Variants in PAIP2 observed in about 807,000 individuals in gnomAD.
The protein encoded by PAIP2 is polyadenylate-binding protein-interacting protein 2.
In PAIP2, 7 loss-of-function variants were observed where a neutral mutation model predicts 14.8. The observed-to-expected ratio is 0.47, with a 90% CI of 0.27 to 0.89. The LOEUF (loss-of-function observed/expected upper bound fraction) is 0.89, where lower values mean the gene tolerates loss of function less well. Ranked by LOEUF, PAIP2 falls within the 40% of genes least tolerant of loss-of-function variation. The probability of loss-of-function intolerance (pLI) is 0.13; values close to 1 mark genes in which losing one functional copy is unlikely to be tolerated. For synonymous variants in PAIP2, 47 were observed against 45.3 expected, an observed-to-expected ratio of 1.04 and a Z score of -0.15; for missense variants, 122 against 154.7, an observed-to-expected ratio of 0.79 and a Z score of 1.12.
chr5:139,346,677 G>A (rs1756560030), intron 1 of PAIP2, among the ~76,000 whole-genome samples: 1 of 149,582 alleles, frequency 6.7e-6, no homozygotes. Context: ...GACTACAAGC[G>A]TGCACCTCCA....
intron 1 of PAIP2, among the ~76,000 whole-genome samples, chr5:139,359,116 A>G (rs1380810987): frequency 1.3e-5 from 2 of 152,144 alleles, no homozygotes; most frequent in East Asian, 3.9e-4. Flanking sequence ...CTGGGACCAC[A>G]GGCGTGCACC....
intron 1 of PAIP2, among the ~76,000 whole-genome samples, chr5:139,351,003 TA>T (rs1189243121): frequency 1.3e-5 from 2 of 152,070 alleles, no homozygotes; most frequent in Non-Finnish European, 2.9e-5. Context: ...CTTGAAACTA[TA>T]AAAATATTGA....
chr5:139,365,739 C>T (rs1008194907), intron 3 of PAIP2, among the ~76,000 whole-genome samples: 2 of 152,234 alleles, frequency 1.3e-5, no homozygotes, highest in African/African-American at 4.8e-5. Context: ...GAATCACTTC[C>T]GGCAACACTG....
chr5:139,368,065 G>C (rs1757385109), intron 3 of PAIP2, among the ~76,000 whole-genome samples: 3 of 152,206 alleles, frequency 2.0e-5, no homozygotes, highest in Admixed American at 1.3e-4. Flanking sequence ...GCCGGGCGCG[G>C]TGGCTTACGC....
At chr5:139,351,311 C>T (rs1298619219) in intron 1 of PAIP2, among the ~76,000 whole-genome samples, 25 of 150,270 alleles carry the variant, frequency 1.7e-4, no homozygotes, top group Admixed American at 1.7e-3. Context: ...TACCTTGTCT[C>T]TACTAAAAAA....
chr5:139,346,945 G>C (rs1256982289), intron 1 of PAIP2, among the ~76,000 whole-genome samples: 2 of 152,098 alleles, frequency 1.3e-5, no homozygotes, highest in African/African-American at 4.8e-5. Context: ...GAGTAGCTGG[G>C]ACTACAGCTG....
chr5:139,351,689 A>C (rs920351116), intron 1 of PAIP2, among the ~76,000 whole-genome samples: 1 of 150,850 alleles, frequency 6.6e-6, no homozygotes, highest in Non-Finnish European at 1.5e-5. Flanking sequence ...CATCCCTGTC[A>C]CTCTTTTTTT....
At chr5:139,355,801 G>GAGCCAAGATCA (rs1338443771) in intron 1 of PAIP2, among the ~76,000 whole-genome samples, 1 of 152,024 alleles carries the variant, frequency 6.6e-6, no homozygotes, top group African/African-American at 2.4e-5. Context: ...AGGTTGCAGT[G>GAGCCAAGATCA]AGCCAAGATC....
rs1475616686 is a variant in PAIP2, at chr5:139,364,552, T to A, written c.139-12T>A. 1 of 1,507,834 alleles carries A rather than the reference T, an allele frequency of 6.6e-7. No homozygotes were observed. The highest frequency in any genetic ancestry group is 9.2e-7 in the Non-Finnish European group (1 of 1,087,560). 93.4% of individuals were successfully genotyped at this position (1,507,834 alleles called of 1,614,324 possible). A position where few individuals can be genotyped will look rare whatever the true frequency, so the allele number is the denominator to read the frequency against. ...CAAGTGTGCTATAAATTATCCTTTATTATAAATCTAGATAGAAGAGGAGTT... is the reference window on the plus strand; with the variant it reads ...CAAGTGTGCTATAAATTATCCTTTAATATAAATCTAGATAGAAGAGGAGTT... On this transcript the variant is annotated splice_polypyrimidine_tract_variant and intron_variant, in intron 2 of 3. Coordinates refer to ENST00000265192, the MANE Select transcript of PAIP2 (RefSeq NM_016480.5).
rs1447403801 is a variant in PAIP2, at chr5:139,364,710, T to C, written c.285T>C (p.Val95=). ...TCCAAGACCAGTTTAATGACCTTGT[T>C]ATCAGTGATGGCTCTTCTCTGGAAG... ...DQIQDQFNDL[V]ISDGSSLEDL... is the part of the protein sequence containing the mutation. Residue 95 remains valine (V), a synonymous_variant, in exon 3 of 4, where the codon GTT becomes GTC. Transcript: ENST00000265192. 3 of 1,612,122 alleles carry C rather than the reference T, an allele frequency of 1.9e-6. No individual in the cohort carries two copies. Among genetic ancestry groups the C allele is most frequent in the East Asian group, 4.5e-5 (2 of 44,840 alleles).
intron 1 of PAIP2, among the ~76,000 whole-genome samples, chr5:139,354,251 G>T (rs1756840253): frequency 6.6e-6 from 1 of 152,112 alleles, no homozygotes; most frequent in Admixed American, 6.6e-5. Flanking sequence ...ATCTGGCAGT[G>T]ACTTAATTTC....
chr5:139,358,280 TG>T (rs1488634751), intron 1 of PAIP2, among the ~76,000 whole-genome samples: 1 of 152,228 alleles, frequency 6.6e-6, no homozygotes, highest in Admixed American at 6.5e-5. Flanking sequence ...CCACAGGACT[TG>T]TGAGTATTAA....
At chr5:139,352,007 A>G (rs1215080527) in intron 1 of PAIP2, among the ~76,000 whole-genome samples, 2 of 152,172 alleles carry the variant, frequency 1.3e-5, no homozygotes, top group African/African-American at 2.4e-5. Flanking sequence ...TACTGAAAGC[A>G]TAAAGTGAAA....
At chr5:139,344,305 A>G (rs1244040423) in intron 1 of PAIP2, among the ~76,000 whole-genome samples, 1 of 152,216 alleles carries the variant, frequency 6.6e-6, no homozygotes, top group South Asian at 2.1e-4. Flanking sequence ...TAAGGTGGCT[A>G]TGTAGCATAG....
At chr5:139,356,406 A>G (rs1020639826) in intron 1 of PAIP2, among the ~76,000 whole-genome samples, 1 of 152,054 alleles carries the variant, frequency 6.6e-6, no homozygotes, top group Non-Finnish European at 1.5e-5. Flanking sequence ...AGATCGCGCC[A>G]TTGCACTCCA....
intron 1 of PAIP2, among the ~76,000 whole-genome samples, chr5:139,356,889 GAAAAAA>G (rs70982774): frequency 8.9e-6 from 1 of 112,466 alleles, no homozygotes; most frequent in Non-Finnish European, 1.7e-5. Flanking sequence ...TCTGTCTCCA[GAAAAAA>G]AAAAAAAAAA....
chr5:139,356,949 A>G (rs1399505012), intron 1 of PAIP2, among the ~76,000 whole-genome samples: 1 of 151,746 alleles, frequency 6.6e-6, no homozygotes, highest in Non-Finnish European at 1.5e-5. Flanking sequence ...TGGAAATTAG[A>G]TTCTCCCCAG....
chr5:139,348,355 ATT>A (rs1223212420), intron 1 of PAIP2, among the ~76,000 whole-genome samples: 9 of 136,062 alleles, frequency 6.6e-5, no homozygotes, highest in East Asian at 2.1e-4. Flanking sequence ...AGCCTGGCTA[ATT>A]TTTTTTTTTT....
intron 1 of PAIP2, among the ~76,000 whole-genome samples, chr5:139,359,442 A>C (rs1419463185): frequency 4.0e-5 from 6 of 151,714 alleles, no homozygotes; most frequent in Admixed American, 3.9e-4. Flanking sequence ...CCCGGTGTGA[A>C]AAGTAGGATT....
Sources: allele counts gnomAD v4.1 joint callset (sites outside exome capture counted in the v4.1 genomes callset), GRCh38; gene constraint gnomAD v4.1.1; transcripts MANE v1.5; gene names NCBI Gene and HGNC (gene_info 2026-07-23, HGNC 2026-07-21).